The following GRIP1 variants were observed in gnomAD, a reference collection of about 807,000 sequenced individuals.
GRIP1 encodes glutamate receptor-interacting protein 1.
Under a neutral mutation model 129.9 loss-of-function variants are expected in GRIP1, and 45 were observed. The observed-to-expected ratio is 0.35, with a 90% confidence interval of 0.27 to 0.44. The LOEUF is 0.44. Ranked by LOEUF, GRIP1 falls within the 20% of genes least tolerant of loss-of-function variation. The probability of loss-of-function intolerance (pLI) is 1.00; values close to 1 mark genes in which losing one functional copy is unlikely to be tolerated. For missense variants in GRIP1, 1,196 were observed against 1,396.8 expected (o/e 0.86, Z 2.29); for synonymous variants, 530 against 520.8 (o/e 1.02, Z -0.24).
At chr12:66,617,286 G>GAAAA (rs63275262) in intron 1 of GRIP1, among the ~76,000 whole-genome samples, 6 of 104,040 alleles carry the variant, frequency 5.8e-5, no homozygotes, top group African/African-American at 6.7e-5. Flanking sequence ...CAGCCAACAA[G>GAAAA]AAAAAAAAAA....
At position 66,420,046 on chromosome 12, in the gene GRIP1, G is replaced by A. The variant is rs577164804; in HGVS notation, c.1838+674C>T. Among the ~76,000 whole-genome samples the A allele has an allele frequency of 1.2e-4, 19 of 152,312 alleles. No homozygotes were observed. In the South Asian group the frequency reaches 2.5e-3, roughly 20 times the overall value. ...CAGGAGACAGAGGTTTCAGTGAGCC[G>A]AGATTGTGCCACTGCACTCCAGCGT... On this transcript the variant is annotated intron_variant, in intron 15 of 24. Transcript: ENST00000359742.
intron 1 of GRIP1, among the ~76,000 whole-genome samples, chr12:66,650,948 T>C (rs910543916): frequency 6.6e-6 from 1 of 152,188 alleles, no homozygotes; most frequent in Non-Finnish European, 1.5e-5. Context: ...AAAATGAGCA[T>C]GGTAAAAATA....
intron 19 of GRIP1, among the ~76,000 whole-genome samples, chr12:66,379,675 G>A (rs2056008594): frequency 6.6e-6 from 1 of 152,148 alleles, no homozygotes; most frequent in Non-Finnish European, 1.5e-5. Context: ...TTACAGATGA[G>A]GACACGGACG....
At chr12:66,521,201 G>A (rs987793820) in intron 5 of GRIP1, among the ~76,000 whole-genome samples, 4 of 152,096 alleles carry the variant, frequency 2.6e-5, no homozygotes, top group African/African-American at 9.7e-5. Flanking sequence ...GTAGATCAAG[G>A]TATTGTCTTA....
At chr12:66,841,470 A>G (rs1224126566) in intron 1 of GRIP1, among the ~76,000 whole-genome samples, 1 of 152,232 alleles carries the variant, frequency 6.6e-6, no homozygotes, top group Non-Finnish European at 1.5e-5. Flanking sequence ...ATAAGCAAAC[A>G]TTGTTTAAAG....
chr12:66,640,222 T>C (rs2031800382), intron 1 of GRIP1, among the ~76,000 whole-genome samples: 2 of 152,204 alleles, frequency 1.3e-5, no homozygotes, highest in Admixed American at 6.5e-5. Flanking sequence ...ACTACTAAAC[T>C]ATGAAGTTTT....
At chr12:66,745,762 TA>T (rs2036925147) in intron 1 of GRIP1, among the ~76,000 whole-genome samples, 1 of 152,140 alleles carries the variant, frequency 6.6e-6, no homozygotes, top group Non-Finnish European at 1.5e-5. Context: ...GTAAAGATAG[TA>T]CAGCGTACTA....
At chr12:66,360,994 C>T (rs1379951826) in intron 23 of GRIP1, among the ~76,000 whole-genome samples, 1 of 152,230 alleles carries the variant, frequency 6.6e-6, no homozygotes, top group Non-Finnish European at 1.5e-5. Flanking sequence ...TTTTGGTTTA[C>T]TCATGACAGA....
At chr12:66,601,693 C>T (rs1592629364) in intron 1 of GRIP1, among the ~76,000 whole-genome samples, 1 of 152,146 alleles carries the variant, frequency 6.6e-6, no homozygotes, top group Non-Finnish European at 1.5e-5. Context: ...TGCAGTTAAA[C>T]ATTATGACCA....
chr12:67,048,156 A>G (rs1455284249), intron 1 of GRIP1, among the ~76,000 whole-genome samples: 1 of 152,122 alleles, frequency 6.6e-6, no homozygotes, highest in Non-Finnish European at 1.5e-5. Flanking sequence ...TTGGGAAAAA[A>G]AAAAAAAGGT....
At chr12:66,527,783 C>A (rs959936194) in intron 5 of GRIP1, among the ~76,000 whole-genome samples, 5 of 151,952 alleles carry the variant, frequency 3.3e-5, no homozygotes, top group Non-Finnish European at 7.4e-5. Flanking sequence ...AAGAAGGGAA[C>A]AACAGACACT....
chr12:66,405,488 T>C (rs2057159527), intron 16 of GRIP1, among the ~76,000 whole-genome samples: 1 of 152,232 alleles, frequency 6.6e-6, no homozygotes. Context: ...ACCACAGCTG[T>C]GGCAGCATCT....
At chr12:66,587,547 C>G (rs2063687816) in intron 2 of GRIP1, among the ~76,000 whole-genome samples, 1 of 152,250 alleles carries the variant, frequency 6.6e-6, no homozygotes, top group Non-Finnish European at 1.5e-5. Flanking sequence ...GCTGGATTCA[C>G]ATCTATATTC....
At chr12:66,396,366 A>G (rs2056788557) in intron 16 of GRIP1, among the ~76,000 whole-genome samples, 1 of 152,176 alleles carries the variant, frequency 6.6e-6, no homozygotes, top group South Asian at 2.1e-4. Context: ...AGTCAAGATG[A>G]AAACAAACAC....
At chr12:66,469,884 C>T (rs2059389704) in intron 7 of GRIP1, among the ~76,000 whole-genome samples, 1 of 152,128 alleles carries the variant, frequency 6.6e-6, no homozygotes. Context: ...AAGAGTGAGA[C>T]CACCCTACTC....
At chr12:66,870,475 G>A (rs2040277352) in intron 1 of GRIP1, among the ~76,000 whole-genome samples, 1 of 152,022 alleles carries the variant, frequency 6.6e-6, no homozygotes, top group African/African-American at 2.4e-5. Context: ...ACATCCCTTG[G>A]TGCAAAGAGA....
intron 1 of GRIP1, among the ~76,000 whole-genome samples, chr12:66,769,296 G>A (rs1005705437): frequency 4.0e-5 from 6 of 151,056 alleles, no homozygotes; most frequent in African/African-American, 1.5e-4. Flanking sequence ...AGCATCCCCT[G>A]GAGGAAATGG....
At chr12:66,469,940 C>A (rs866954) in intron 7 of GRIP1, among the ~76,000 whole-genome samples, 52,259 of 151,980 alleles carry the variant, frequency 0.34, 9,432 homozygotes, top group Non-Finnish European at 0.4. Flanking sequence ...TTCACGCTGC[C>A]CTCCATCACA....
chr12:66,801,318 C>T (rs1489303674), intron 1 of GRIP1, among the ~76,000 whole-genome samples: 2 of 151,936 alleles, frequency 1.3e-5, no homozygotes, highest in Admixed American at 6.6e-5. Flanking sequence ...TCAAACATGG[C>T]CATCTCATGT....
Sources: gnomAD v4.1 joint callset for allele counts (sites outside exome capture counted in the v4.1 genomes callset) on GRCh38, gnomAD v4.1.1 for gene constraint, MANE v1.5 for transcripts, NCBI Gene and HGNC (gene_info 2026-07-23, HGNC 2026-07-21) for gene names.